Variants in COL11A1 observed in about 807,000 individuals in gnomAD.
The protein encoded by COL11A1 is collagen type XI alpha 1 chain.
Under a neutral mutation model 265.2 loss-of-function variants are expected in COL11A1, and 74 were observed. That is an observed-to-expected ratio of 0.28 (90% CI 0.23 to 0.34). The LOEUF is 0.34. Ranked by LOEUF, COL11A1 falls within the 10% of genes least tolerant of loss-of-function variation. The pLI is 1.00. For synonymous variants in COL11A1, 816 were observed against 727.6 expected (o/e 1.12, Z -1.96); for missense variants, 2,165 against 2,263.6 (o/e 0.96, Z 0.88).
At chr1:102,880,153 CTTTATCTCTAAGTCTTAGT>C (rs912672500) in intron 65 of COL11A1, 3 of 483,156 alleles carry the variant, frequency 6.2e-6, no homozygotes, top group African/African-American at 5.8e-5. Flanking sequence ...GAAAAAACCA[CTTTATCTCTAAGTCTTAGT>C]TTCCTAAACA....
At chr1:102,950,602 A>C (rs1268867818) in intron 41 of COL11A1, among the ~76,000 whole-genome samples, 1 of 152,126 alleles carries the variant, frequency 6.6e-6, no homozygotes, top group Admixed American at 6.5e-5. Flanking sequence ...CTAAAATATT[A>C]CATCTCTCAC....
chr1:102,919,735 G>GA (rs199794096), intron 49 of COL11A1, among the ~76,000 whole-genome samples: 41 of 150,480 alleles, frequency 2.7e-4, no homozygotes, highest in Non-Finnish European at 5.0e-4. Context: ...ATGTTCACAA[G>GA]AAAAAAAAAG....
intron 28 of COL11A1, among the ~76,000 whole-genome samples, chr1:102,990,981 C>A (rs1424173136): frequency 1.3e-5 from 2 of 152,134 alleles, no homozygotes; most frequent in Non-Finnish European, 2.9e-5. Flanking sequence ...TGCAGCGAAC[C>A]AAGATCACTC....
intron 54 of COL11A1, among the ~76,000 whole-genome samples, chr1:102,904,774 G>A (rs1476785561): frequency 2.0e-5 from 3 of 151,980 alleles, no homozygotes; most frequent in Non-Finnish European, 2.9e-5. Flanking sequence ...TACACTGTTG[G>A]TGGGACTGTA....
chr1:103,021,027 G>C (rs538664585), intron 9 of COL11A1, among the ~76,000 whole-genome samples: 2 of 142,226 alleles, frequency 1.4e-5, no homozygotes, highest in South Asian at 4.5e-4. Flanking sequence ...GTTTTTTTTT[G>C]AAATTTTTAT....
chr1:102,881,866 TAA>T (rs1557768893), intron 64 of COL11A1, 101 bp from the exon 65 acceptor site: 10 of 863,810 alleles, frequency 1.2e-5, no homozygotes, highest in Admixed American at 1.1e-4. Context: ...ACTAAGAAAA[TAA>T]AGAGTGCTTA....
intron 46 of COL11A1, among the ~76,000 whole-genome samples, chr1:102,931,146 GT>G (rs1172880148): frequency 3.0e-5 from 4 of 133,052 alleles, no homozygotes; most frequent in Non-Finnish European, 6.4e-5. Context: ...TTTTGAATGT[GT>G]TTGCTCTTGC....
intron 57 of COL11A1, among the ~76,000 whole-genome samples, chr1:102,894,069 T>C (rs565656928): frequency 6.6e-6 from 1 of 152,234 alleles, no homozygotes; most frequent in African/African-American, 2.4e-5. Context: ...TTAAAACAAA[T>C]AGAGTCTTAA....
intron 5 of COL11A1, among the ~76,000 whole-genome samples, chr1:103,027,609 T>C (rs1161308368): frequency 6.6e-6 from 1 of 151,780 alleles, no homozygotes; most frequent in Non-Finnish European, 1.5e-5. Context: ...GATCTCTCTT[T>C]GCATTTTAAC....
intron 1 of COL11A1, among the ~76,000 whole-genome samples, chr1:103,103,995 A>G (rs1252055547): frequency 1.3e-5 from 2 of 152,074 alleles, no homozygotes; most frequent in East Asian, 3.9e-4. Context: ...CTTGAATATT[A>G]CAAGAATATT....
chr1:102,997,236 CA>C, intron 25 of COL11A1, 112 bp from the exon 26 acceptor site: 1 of 1,034,828 alleles, frequency 9.7e-7, no homozygotes, highest in Admixed American at 1.8e-5. Flanking sequence ...CTTTAAGTTT[CA>C]AAAACATTGA....
intron 41 of COL11A1, among the ~76,000 whole-genome samples, chr1:102,954,660 T>C (rs1394040905): frequency 1.3e-5 from 2 of 151,836 alleles, no homozygotes; most frequent in Non-Finnish European, 2.9e-5. Flanking sequence ...GCCTGGCCAA[T>C]ATAGTGAAAC....
intron 53 of COL11A1, 34 bp from the exon 54 acceptor site, chr1:102,912,246 T>G (rs1023736959): frequency 2.6e-6 from 4 of 1,559,292 alleles, no homozygotes; most frequent in Non-Finnish European, 3.5e-6. Flanking sequence ...TTAACAAAAT[T>G]GGATATTATT....
At position 103,025,618 on chromosome 1, in the gene COL11A1, T is replaced by G; in HGVS notation, c.898-5A>C. The G allele has an allele frequency of 1.9e-6, 3 of 1,612,050 alleles. No homozygotes were observed. The highest frequency in any genetic ancestry group is 2.5e-6 in the Non-Finnish European group (3 of 1,178,430). On this transcript the variant is annotated splice_region_variant and splice_polypyrimidine_tract_variant and intron_variant, in intron 6 of 66. Transcript: ENST00000370096. Reference sequence around the variant, plus strand: ...AAAATCATCAACGATGTTTGCCTAATGGTAAATTCAGAAGAGAATTAGTAA... The same window carrying G: ...AAAATCATCAACGATGTTTGCCTAAGGGTAAATTCAGAAGAGAATTAGTAA...
chr1:102,933,413 G>A (rs909357714), intron 46 of COL11A1, among the ~76,000 whole-genome samples: 20 of 149,576 alleles, frequency 1.3e-4, no homozygotes, highest in African/African-American at 4.4e-4. Context: ...CGGGGGTCAG[G>A]GGTCAGGGAC....
chr1:103,021,818 C>G (rs368006756), intron 8 of COL11A1, 49 bp from the exon 9 acceptor site: 2 of 1,196,802 alleles, frequency 1.7e-6, no homozygotes, highest in African/African-American at 3.2e-5. Context: ...AAGACCATTT[C>G]TTTCTTTCTT....
intron 41 of COL11A1, among the ~76,000 whole-genome samples, chr1:102,957,331 T>A (rs986897979): frequency 6.6e-6 from 1 of 152,096 alleles, no homozygotes; most frequent in Non-Finnish European, 1.5e-5. Flanking sequence ...ATAAGCTACA[T>A]AATTGGGACA....
intron 41 of COL11A1, among the ~76,000 whole-genome samples, chr1:102,948,555 T>C (rs1424426738): frequency 5.3e-5 from 8 of 151,624 alleles, no homozygotes; most frequent in Non-Finnish European, 1.5e-5. Context: ...AGTGGCATTT[T>C]TGAGCTGTGA....
chr1:102,914,751 G>A lies in COL11A1; in HGVS notation c.3877C>T (p.Pro1293Ser). 1 of 1,613,254 alleles carries A rather than the reference G, an allele frequency of 6.2e-7. No individual in the cohort carries two copies. The highest frequency in any genetic ancestry group is 1.1e-5 in the South Asian group (1 of 91,030). The change falls in exon 51 of 67, where the codon CCA becomes TCA. Residue 1293 changes from proline (P) to serine (S), a missense_variant. Pro to Ser is a moderately conservative substitution (Grantham distance 74). Transcript: ENST00000370096. ...TCACCTGGTGGCCCCTTGGCACCTG[G>A]AGGTCCAGCAGCTCCAGGTGGACCA... ...EAGPPGAAGPPGAKGPPGDDG... is the reference protein window; with the variant it reads ...EAGPPGAAGPSGAKGPPGDDG...
Sources: gnomAD v4.1 joint callset for allele counts (sites outside exome capture counted in the v4.1 genomes callset) on GRCh38, gnomAD v4.1.1 for gene constraint, MANE v1.5 for transcripts, NCBI Gene and HGNC (gene_info 2026-07-23, HGNC 2026-07-21) for gene names.